The following ZFAND3 variants were observed in gnomAD, a reference collection of about 807,000 sequenced individuals.
ZFAND3 encodes AN1-type zinc finger protein 3.
ZFAND3 carries 10 observed loss-of-function variants against 29.6 expected under a neutral mutation model. The ratio of observed to expected loss-of-function variants is 0.34; its 90% CI spans 0.21 to 0.57. The LOEUF is 0.57. ZFAND3 is among the 20% of genes least tolerant of loss of function. The probability of loss-of-function intolerance (pLI) is 0.86; values close to 1 mark genes in which losing one functional copy is unlikely to be tolerated. For missense variants in ZFAND3, 230 were observed against 304.5 expected (o/e 0.76, Z 1.82); for synonymous variants, 128 against 112.6 (o/e 1.14, Z -0.87).
At chr6:38,036,219 G>C (rs1267172546) in intron 2 of ZFAND3, among the ~76,000 whole-genome samples, 4 of 152,210 alleles carry the variant, frequency 2.6e-5, no homozygotes, top group Non-Finnish European at 5.9e-5. Flanking sequence ...TGACCAGTAA[G>C]AAGTTTATGT....
chr6:38,074,933 CT>C (rs1161753546), intron 3 of ZFAND3, among the ~76,000 whole-genome samples: 1 of 152,186 alleles, frequency 6.6e-6, no homozygotes, highest in Non-Finnish European at 1.5e-5. Flanking sequence ...GCCTGGATGA[CT>C]GCACATCTGT....
intron 2 of ZFAND3, among the ~76,000 whole-genome samples, chr6:38,015,056 A>T (rs1456798398): frequency 6.6e-6 from 1 of 152,198 alleles, no homozygotes. Context: ...ACTTTATTTA[A>T]GGTCTACAAG....
intron 5 of ZFAND3, among the ~76,000 whole-genome samples, chr6:38,136,814 G>T (rs909789266): frequency 1.3e-5 from 2 of 152,214 alleles, no homozygotes; most frequent in Non-Finnish European, 2.9e-5. Flanking sequence ...CGTGTAGTTT[G>T]TGCATCCTTG....
rs1017205200 is a variant in ZFAND3, at chr6:37,997,160, A to G, written c.113-64433A>G. Among the ~76,000 whole-genome samples, 4 of 152,336 alleles carry G rather than the reference A, an allele frequency of 2.6e-5. 1 individual carries two copies. The East Asian group carries it at 7.7e-4, about 29-fold the overall frequency. The stretch of plus-strand genomic sequence containing the variant: ...TGCATTATCCAGTCATTTTGCATAT[A>G]AATAGTAGAAAGGGGTTTAGTTATT... On this transcript the variant is annotated intron_variant, in intron 2 of 5. Transcript: ENST00000287218.
At chr6:37,954,695 A>G (rs988787725) in intron 2 of ZFAND3, among the ~76,000 whole-genome samples, 1 of 151,914 alleles carries the variant, frequency 6.6e-6, no homozygotes, top group Non-Finnish European at 1.5e-5. Flanking sequence ...GTTGCATTGG[A>G]TATTTTTGTA....
intron 2 of ZFAND3, among the ~76,000 whole-genome samples, chr6:38,052,671 T>C (rs1764048750): frequency 6.6e-6 from 1 of 152,098 alleles, no homozygotes; most frequent in South Asian, 2.1e-4. Flanking sequence ...TATTAAGAGT[T>C]CAAATATGAG....
At chr6:37,895,349 T>C (rs1765179821) in intron 1 of ZFAND3, among the ~76,000 whole-genome samples, 1 of 151,844 alleles carries the variant, frequency 6.6e-6, no homozygotes, top group Admixed American at 6.6e-5. Flanking sequence ...TCTTTTTTTC[T>C]TTGAGACGGA....
intron 2 of ZFAND3, among the ~76,000 whole-genome samples, chr6:38,005,131 G>C (rs1348170416): frequency 6.6e-6 from 1 of 152,168 alleles, no homozygotes; most frequent in Non-Finnish European, 1.5e-5. Flanking sequence ...ATGAGAGTCT[G>C]CTCAGCAGAT....
intron 2 of ZFAND3, among the ~76,000 whole-genome samples, chr6:38,041,525 T>C (rs1186621996): frequency 6.6e-6 from 1 of 151,738 alleles, no homozygotes; most frequent in Non-Finnish European, 1.5e-5. Context: ...CTAATTTCTA[T>C]TGTTATTACT....
At chr6:37,951,536 A>C (rs1004931522) in intron 2 of ZFAND3, among the ~76,000 whole-genome samples, 3 of 152,324 alleles carry the variant, frequency 2.0e-5, no homozygotes, top group African/African-American at 7.2e-5. Context: ...CTGAGGTTGC[A>C]GTGAGCCGAG....
chr6:37,970,917 CCAAACAAA>C (rs201703751), intron 2 of ZFAND3, among the ~76,000 whole-genome samples: 1,416 of 128,792 alleles, frequency 0.011, 24 homozygotes, highest in African/African-American at 0.037. Context: ...AACAAACAAA[CCAAACAAA>C]CAAACAAACA....
chr6:37,850,624 T>C (rs1456786773), intron 1 of ZFAND3, among the ~76,000 whole-genome samples: 1 of 152,224 alleles, frequency 6.6e-6, no homozygotes, highest in African/African-American at 2.4e-5. Context: ...CTAGCAGTGA[T>C]AGGCCATACC....
chr6:38,096,313 C>T (rs1318997542), intron 4 of ZFAND3, among the ~76,000 whole-genome samples: 3 of 152,086 alleles, frequency 2.0e-5, no homozygotes, highest in African/African-American at 4.8e-5. Flanking sequence ...GCTGGGATTA[C>T]AGGCACCTGC....
intron 2 of ZFAND3, among the ~76,000 whole-genome samples, chr6:37,965,441 A>T (rs1274312903): frequency 2.0e-5 from 3 of 152,218 alleles, no homozygotes; most frequent in African/African-American, 7.2e-5. Context: ...TATAAGGTTA[A>T]TAGCGAGTAG....
intron 2 of ZFAND3, among the ~76,000 whole-genome samples, chr6:37,971,372 A>T (rs887946304): frequency 6.6e-5 from 10 of 152,070 alleles, no homozygotes; most frequent in Non-Finnish European, 1.5e-5. Context: ...TTGAGATTAA[A>T]TTTTTGCTTA....
chr6:37,820,331 C>T (rs1763641139), intron 1 of ZFAND3, among the ~76,000 whole-genome samples: 1 of 152,182 alleles, frequency 6.6e-6, no homozygotes, highest in African/African-American at 2.4e-5. Flanking sequence ...GCGGCGTTGA[C>T]CGCTCCGGGA....
chr6:38,049,944 A>AGTTTTT (rs1309618902), intron 2 of ZFAND3, among the ~76,000 whole-genome samples: 1 of 30,476 alleles, frequency 3.3e-5, no homozygotes, highest in African/African-American at 9.8e-5. Context: ...GTAGGCAATT[A>AGTTTTT]ATTTTTTTTT....
At position 38,089,750 on chromosome 6, in the gene ZFAND3, T is replaced by C. The variant is rs143515478; in HGVS notation, c.361+7293T>C. On this transcript the variant is annotated intron_variant, in intron 4 of 5. Transcript: ENST00000287218. The stretch of plus-strand genomic sequence containing the variant: ...ATGGAAACATTTCAGCCAGTACATT[T>C]AATCCTAGAGAGTTGTGTCAGTGGC... Among the ~76,000 whole-genome samples the C allele has an allele frequency of 1.8e-4, 27 of 152,364 alleles. No individual in the cohort carries two copies. The East Asian group carries it at 5.0e-3, about 28-fold the overall frequency.
At position 37,870,315 on chromosome 6, in the gene ZFAND3, AAAAAG is replaced by A. The variant is rs1581722878; in HGVS notation, c.71+50300_71+50304del. The stretch of plus-strand genomic sequence containing the variant: ...CTCAAAAAAAAAAAAAAAAAAAAAA[AAAAAG>A]GGCGGGCACAGTGGTTCATGCCTGT... On this transcript the variant is annotated intron_variant, in intron 1 of 5. Coordinates refer to ENST00000287218, the MANE Select transcript of ZFAND3 (RefSeq NM_021943.3). 2.0e-5 allele frequency among the ~76,000 whole-genome samples: 3 copies of A among 150,626 alleles called. No homozygotes were observed. In the East Asian group the frequency reaches 5.8e-4, roughly 29 times the overall value.
Sources: gnomAD v4.1 joint callset for allele counts (sites outside exome capture counted in the v4.1 genomes callset) on GRCh38, gnomAD v4.1.1 for gene constraint, MANE v1.5 for transcripts, NCBI Gene and HGNC (gene_info 2026-07-23, HGNC 2026-07-21) for gene names.